SLC25A48: variants seen among roughly 807,000 people sequenced by gnomAD.
The protein encoded by SLC25A48 is CTC-321K16.1.
SLC25A48 carries 29 observed loss-of-function variants against 32.2 expected under a neutral mutation model. The observed-to-expected ratio is 0.90, with a 90% CI of 0.67 to 1.23. The LOEUF (loss-of-function observed/expected upper bound fraction) is 1.23. Ranked by LOEUF, SLC25A48 falls within the 50% of genes most tolerant of loss-of-function variation. The pLI is 0.00. For missense variants in SLC25A48, 399 were observed against 422.7 expected (o/e 0.94, Z 0.49); for synonymous variants, 164 against 172.3 (o/e 0.95, Z 0.38).
At chr5:135,682,381 C>A (rs931406548) in intron 3 of SLC25A48, among the ~76,000 whole-genome samples, 1 of 152,106 alleles carries the variant, frequency 6.6e-6, no homozygotes. Flanking sequence ...TTCGTCAAGG[C>A]AATTTCTTGG....
intron 3 of SLC25A48, chr5:135,802,886 A>G (rs1757368529): frequency 6.6e-6 from 1 of 151,530 alleles, no homozygotes; most frequent in South Asian, 2.1e-4. Context: ...ATTATTTGTA[A>G]TATTCTAGGG....
At chr5:135,651,760 A>G (rs2126926071) in intron 3 of SLC25A48, among the ~76,000 whole-genome samples, 1 of 152,310 alleles carries the variant, frequency 6.6e-6, no homozygotes, top group African/African-American at 2.4e-5. Context: ...AACTTTGAGG[A>G]GTGCATTTGC....
At chr5:135,879,820 G>T in intron 6 of SLC25A48, 148 bp from the exon 7 acceptor site, 1 of 1,152,648 alleles carries the variant, frequency 8.7e-7, no homozygotes, top group Non-Finnish European at 1.2e-6. Context: ...GGACTTCCCT[G>T]TGTGGTCTCT....
chr5:135,621,085 CTGAG>C (rs1752315583), intron 1 of SLC25A48, among the ~76,000 whole-genome samples: 1 of 152,174 alleles, frequency 6.6e-6, no homozygotes, highest in Admixed American at 6.5e-5. Context: ...CCTTCTAGGA[CTGAG>C]TATTTTGAAT....
At chr5:135,589,116 C>T (rs781713296) in intron 1 of SLC25A48, among the ~76,000 whole-genome samples, 1 of 152,182 alleles carries the variant, frequency 6.6e-6, no homozygotes, top group Non-Finnish European at 1.5e-5. Context: ...ATCCTGTGTA[C>T]GCATCTTTCT....
intron 4 of SLC25A48, among the ~76,000 whole-genome samples, chr5:135,863,994 C>T (rs1761001390): frequency 6.6e-6 from 1 of 152,050 alleles, no homozygotes; most frequent in African/African-American, 2.4e-5. Context: ...TGTCAGAAGC[C>T]CTGGCTCCAT....
At chr5:135,723,844 A>G (rs1271483846) in intron 3 of SLC25A48, among the ~76,000 whole-genome samples, 1 of 152,176 alleles carries the variant, frequency 6.6e-6, no homozygotes, top group Admixed American at 6.5e-5. Context: ...CTAGTACATC[A>G]TTTCCTGGAA....
intron 3 of SLC25A48, among the ~76,000 whole-genome samples, chr5:135,670,551 C>T (rs1753632559): frequency 6.6e-6 from 1 of 152,180 alleles, no homozygotes; most frequent in African/African-American, 2.4e-5. Flanking sequence ...TTTTGAGCCT[C>T]AGTTCCCTCA....
At chr5:135,677,952 CTT>C (rs1246424741) in intron 3 of SLC25A48, among the ~76,000 whole-genome samples, 1 of 152,112 alleles carries the variant, frequency 6.6e-6, no homozygotes, top group Non-Finnish European at 1.5e-5. Context: ...AGAATTTTCT[CTT>C]TGTCATTGAC....
chr5:135,621,853 A>G (rs1752333421), intron 1 of SLC25A48, among the ~76,000 whole-genome samples: 4 of 152,228 alleles, frequency 2.6e-5, no homozygotes, highest in Non-Finnish European at 5.9e-5. Flanking sequence ...AACTGCTGTC[A>G]TATACCATAT....
intron 3 of SLC25A48, among the ~76,000 whole-genome samples, chr5:135,674,379 TCTAA>T (rs900219138): frequency 6.6e-6 from 1 of 152,024 alleles, no homozygotes; most frequent in Non-Finnish European, 1.5e-5. Flanking sequence ...ACTTCTTCTA[TCTAA>T]CTAACTAATG....
At chr5:135,696,623 G>C (rs568169680) in intron 3 of SLC25A48, among the ~76,000 whole-genome samples, 4 of 152,338 alleles carry the variant, frequency 2.6e-5, no homozygotes, top group African/African-American at 9.6e-5. Context: ...AACTAGGACA[G>C]GTCCTGGATT....
chr5:135,805,833 T>C (rs1757451717), intron 3 of SLC25A48, among the ~76,000 whole-genome samples: 1 of 151,642 alleles, frequency 6.6e-6, no homozygotes, highest in African/African-American at 2.4e-5. Context: ...TTTAGGGAGA[T>C]ATTACTCCTA....
intron 3 of SLC25A48, among the ~76,000 whole-genome samples, chr5:135,664,690 C>T (rs952415732): frequency 5.9e-5 from 9 of 152,070 alleles, no homozygotes; most frequent in Admixed American, 5.9e-4. Flanking sequence ...ATTTAATTTT[C>T]CATTCCTGAG....
At chr5:135,755,720 C>T (rs1285752415) in intron 3 of SLC25A48, among the ~76,000 whole-genome samples, 1 of 151,594 alleles carries the variant, frequency 6.6e-6, no homozygotes, top group Non-Finnish European at 1.5e-5. Flanking sequence ...TGTCAACGCA[C>T]TATCTTATTA....
At chr5:135,863,663 T>C (rs1684937984) in intron 4 of SLC25A48, among the ~76,000 whole-genome samples, 1 of 152,188 alleles carries the variant, frequency 6.6e-6, no homozygotes, top group African/African-American at 2.4e-5. Context: ...ATCATCTTTA[T>C]TTTACAGGTG....
rs182191217 is a variant in SLC25A48, at chr5:135,721,803, A to C, written c.-521+86847A>C. Among the ~76,000 whole-genome samples, 1,049 of 152,354 alleles carry C rather than the reference A, an allele frequency of 6.9e-3. 3 individuals carry two copies. Among genetic ancestry groups the C allele is most frequent in the Non-Finnish European group, 0.011 (748 of 68,030 alleles). The stretch of plus-strand genomic sequence containing the variant: ...CAGCAGGCTGCTGACAGCCCTGCTC[A>C]CTGACTGGGAGGGTGCCAGAGCTCT... On this transcript the variant is annotated intron_variant, in intron 3 of 10. Coordinates refer to the SLC25A48 transcript ENST00000646290.
At chr5:135,868,444 CAAATGACA>C (rs1761373886) in intron 4 of SLC25A48, among the ~76,000 whole-genome samples, 1 of 152,122 alleles carries the variant, frequency 6.6e-6, no homozygotes, top group African/African-American at 2.4e-5. Flanking sequence ...GCATGAAGAT[CAAATGACA>C]ATTTGATCAT....
chr5:135,811,865 T>C (rs1454651062), intron 3 of SLC25A48, among the ~76,000 whole-genome samples: 2 of 152,198 alleles, frequency 1.3e-5, no homozygotes, highest in Non-Finnish European at 2.9e-5. Context: ...GCAGATCACC[T>C]GAGGTCAGGA....
Sources: allele counts gnomAD v4.1 joint callset (sites outside exome capture counted in the v4.1 genomes callset), GRCh38; gene constraint gnomAD v4.1.1; transcripts MANE v1.5; gene names NCBI Gene and HGNC (gene_info 2026-07-23, HGNC 2026-07-21).